The following SUGP2 variants were observed in gnomAD, a reference collection of about 807,000 sequenced individuals.
SUGP2 encodes the protein SURP and G-patch domain-containing protein 2.
A neutral mutation model predicts 90.5 loss-of-function variants in SUGP2; 24 were observed. The ratio of observed to expected loss-of-function variants is 0.27; its 90% CI spans 0.19 to 0.37. The LOEUF is 0.37. Ranked by LOEUF, SUGP2 falls within the 10% of genes least tolerant of loss-of-function variation. The pLI, the probability that SUGP2 is intolerant of heterozygous loss-of-function variation, is 1.00. For missense variants in SUGP2, 1,233 were observed against 1,363.3 expected (o/e 0.90, Z 1.51); for synonymous variants, 473 against 513.4 (o/e 0.92, Z 1.06).
At chr19:19,029,664 C>T (rs1456127213) in intron 2 of SUGP2, among the ~76,000 whole-genome samples, 3 of 149,750 alleles carry the variant, frequency 2.0e-5, no homozygotes, top group African/African-American at 4.9e-5. Flanking sequence ...AGGATGGTCT[C>T]GATCTCCTGA....
intron 6 of SUGP2, among the ~76,000 whole-genome samples, chr19:19,007,755 CTTTTTTT>C (rs34670209): frequency 3.5e-5 from 4 of 113,434 alleles, no homozygotes; most frequent in African/African-American, 1.1e-4. Context: ...TGCACCTAGC[CTTTTTTT>C]TTTTTTTTTT....
intron 4 of SUGP2, among the ~76,000 whole-genome samples, chr19:19,011,037 T>A (rs1215084614): frequency 6.6e-6 from 1 of 150,890 alleles, no homozygotes; most frequent in Non-Finnish European, 1.5e-5. Flanking sequence ...CTCTGGAGGC[T>A]AAGGTGGGAG....
chr19:18,995,286 G>A lies in SUGP2; in HGVS notation c.2992-6C>T, dbSNP rs758445055. On this transcript the variant is annotated splice_polypyrimidine_tract_variant and splice_region_variant and intron_variant, in intron 8 of 10. Transcript: ENST00000452918. Reference sequence around the variant, plus strand: ...AAGTCCAAGTCCTTGGGTTTCTGAGGAGAGAGGAGAGTCCAGGCATGTGGG... The same window carrying A: ...AAGTCCAAGTCCTTGGGTTTCTGAGAAGAGAGGAGAGTCCAGGCATGTGGG... The A allele has an allele frequency of 6.2e-6, 10 of 1,600,226 alleles. No homozygotes were observed. Among genetic ancestry groups the A allele is most frequent in the Admixed American group, 3.4e-5 (2 of 59,150 alleles).
intron 1 of SUGP2, among the ~76,000 whole-genome samples, chr19:19,031,425 T>C (rs1382737825): frequency 1.3e-5 from 2 of 151,948 alleles, no homozygotes; most frequent in East Asian, 3.9e-4. Flanking sequence ...TCCCAGCTAC[T>C]TGGGAGGCTG....
rs542233102 is a variant in SUGP2 at position 19,009,773 on chromosome 19, GCCCCCC to G, written c.2338+76_2338+81del. The G allele has an allele frequency of 2.7e-4, 406 of 1,493,230 alleles. 2 individuals are homozygous for G. Among genetic ancestry groups the G allele is most frequent in the Non-Finnish European group, 3.5e-4 (396 of 1,119,976 alleles). 92.5% of individuals were successfully genotyped at this position (1,493,230 alleles called of 1,614,324 possible). A position where few individuals can be genotyped will look rare whatever the true frequency, so the allele number is the denominator to read the frequency against. ...ATCCACTGCCTTGCCTAGATTGCAG[GCCCCCC>G]CAATTCTAAAGAGACCCTGGAGATG... On this transcript the variant is annotated intron_variant, in intron 5 of 10. Transcript: ENST00000452918.
intron 4 of SUGP2, among the ~76,000 whole-genome samples, chr19:19,011,107 C>A (rs1237133572): frequency 1.3e-5 from 2 of 151,540 alleles, no homozygotes; most frequent in African/African-American, 4.9e-5. Context: ...CCACTGCACT[C>A]CAGTCTGGGC....
intron 3 of SUGP2, among the ~76,000 whole-genome samples, chr19:19,021,468 G>C (rs536327581): frequency 5.9e-5 from 9 of 151,896 alleles, no homozygotes; most frequent in Admixed American, 5.9e-4. Context: ...AAGATGTTGA[G>C]GTTTACAGTC....
intron 4 of SUGP2, among the ~76,000 whole-genome samples, chr19:19,017,307 G>A (rs1053158495): frequency 1.3e-5 from 2 of 152,166 alleles, no homozygotes; most frequent in African/African-American, 4.8e-5. Flanking sequence ...CTCCATCAGG[G>A]GCAGCTCTGC....
chr19:19,009,082 T>C (rs1162368363), intron 5 of SUGP2, among the ~76,000 whole-genome samples: 1 of 151,884 alleles, frequency 6.6e-6, no homozygotes, highest in Non-Finnish European at 1.5e-5. Flanking sequence ...CAGCTAATTT[T>C]TTGTATTTTT....
chr19:19,011,229 C>T (rs1308829295), intron 4 of SUGP2, among the ~76,000 whole-genome samples: 1 of 152,018 alleles, frequency 6.6e-6, no homozygotes, highest in African/African-American at 2.4e-5. Flanking sequence ...CTCACCGCAG[C>T]CTCGACCTTC....
chr19:19,020,893 C>T (rs1329675092), intron 3 of SUGP2, among the ~76,000 whole-genome samples: 1 of 152,018 alleles, frequency 6.6e-6, no homozygotes, highest in Non-Finnish European at 1.5e-5. Context: ...GGCACAATGG[C>T]TCATTCCTGT....
At position 19,009,891 on chromosome 19, in the gene SUGP2, C is replaced by A. The variant is rs775548524; in HGVS notation, c.2302G>T (p.Ala768Ser). The A allele has an allele frequency of 1.2e-6, 2 of 1,613,778 alleles. No individual in the cohort carries two copies. Among genetic ancestry groups the A allele is most frequent in the Non-Finnish European group, 1.7e-6 (2 of 1,179,814 alleles). Residue 768 changes from alanine to serine, a missense_variant, in exon 5 of 11, where the codon GCA becomes TCA. Ala to Ser is a moderately conservative substitution (Grantham distance 99). Coordinates refer to ENST00000452918, the MANE Select transcript of SUGP2 (RefSeq NM_001017392.5). Reference sequence around the variant, plus strand: ...GGGCAGGGAGAAGAGGTCTGAGGTGCTTCAGAGATGTCCACTCCTGCTGGC... The same window carrying A: ...GGGCAGGGAGAAGAGGTCTGAGGTGATTCAGAGATGTCCACTCCTGCTGGC... ...PKPAGVDISE[A>S]PQTSSPCPSA...
chr19:18,991,851 G>A lies in SUGP2; in HGVS notation c.*1890C>T, dbSNP rs918809025. 9 of 152,238 alleles carry A rather than the reference G, an allele frequency of 5.9e-5. No homozygotes were observed. Among genetic ancestry groups the A allele is most frequent in the African/African-American group, 2.2e-4 (9 of 41,414 alleles). The allele number at this position is 152,238 out of a possible 1,614,324, so 9.4% of individuals were successfully genotyped here. ...CAGGCCCCCACAGGCTGGTTCGTTC[G>A]AGGGTTGGGTTATAAACCCAAACTC... On this transcript the variant is annotated 3_prime_UTR_variant, in exon 11 of 11. Transcript: ENST00000452918.
At chr19:19,026,260 A>C in intron 2 of SUGP2, 34 bp from the exon 3 acceptor site, 1 of 1,481,016 alleles carries the variant, frequency 6.8e-7, no homozygotes, top group Non-Finnish European at 8.9e-7. Context: ...AAAAAGAAGA[A>C]GCCAAAAGAT....
intron 5 of SUGP2, among the ~76,000 whole-genome samples, chr19:19,008,787 C>T (rs1325041332): frequency 6.6e-6 from 1 of 152,202 alleles, no homozygotes; most frequent in African/African-American, 2.4e-5. Context: ...AGGCATGTGG[C>T]CCAGCCACAC....
intron 2 of SUGP2, among the ~76,000 whole-genome samples, chr19:19,027,130 G>A (rs2058967135): frequency 6.6e-6 from 1 of 152,140 alleles, no homozygotes; most frequent in Non-Finnish European, 1.5e-5. Flanking sequence ...AAATAAAAAA[G>A]GGCGGAGGGG....
chr19:19,014,564 G>C (rs539980388), intron 4 of SUGP2, among the ~76,000 whole-genome samples: 4 of 152,048 alleles, frequency 2.6e-5, no homozygotes, highest in South Asian at 2.1e-4. Flanking sequence ...AGTGATCTGG[G>C]GGATCGCTTG....
At position 19,001,682 on chromosome 19, in the gene SUGP2, A is replaced by G; in HGVS notation, c.2930-8T>C. The G allele has an allele frequency of 6.2e-7, 1 of 1,614,158 alleles. No homozygotes were observed. The highest frequency in any genetic ancestry group is 1.3e-5 in the African/African-American group (1 of 75,058). ...TTCGAACTGGTTCATGGACTAGAAG[A>G]CAAAAGAAAGAGACACATACACATA... On this transcript the variant is annotated splice_polypyrimidine_tract_variant and splice_region_variant and intron_variant, in intron 7 of 10. Coordinates refer to ENST00000452918, the MANE Select transcript of SUGP2 (RefSeq NM_001017392.5).
intron 6 of SUGP2, among the ~76,000 whole-genome samples, chr19:19,006,247 T>C (rs1001720503): frequency 6.8e-6 from 1 of 147,598 alleles, no homozygotes; most frequent in African/African-American, 2.5e-5. Context: ...TAAAACGGAT[T>C]GTATGACAAC....
Sources: gnomAD v4.1 joint callset for allele counts (sites outside exome capture counted in the v4.1 genomes callset) on GRCh38, gnomAD v4.1.1 for gene constraint, MANE v1.5 for transcripts, NCBI Gene and HGNC (gene_info 2026-07-23, HGNC 2026-07-21) for gene names.